HK1: variants seen among roughly 807,000 people sequenced by gnomAD.
HK1 encodes the protein hexokinase-1.
HK1 carries 28 observed loss-of-function variants against 91.6 expected under a neutral mutation model. The observed-to-expected ratio is 0.31, with a 90% CI of 0.23 to 0.42. The LOEUF (loss-of-function observed/expected upper bound fraction) is 0.42, where lower values mean the gene tolerates loss of function less well. Among genes scored for constraint, HK1 ranks in the 10% least tolerant of loss-of-function variants. HK1 has a pLI of 1.00. For missense variants in HK1, 770 were observed against 1,219.8 expected (o/e 0.63, Z 5.49); for synonymous variants, 430 against 468.1 (o/e 0.92, Z 1.05).
At chr10:69,383,196 A>C (rs1209792999) in intron 10 of HK1, among the ~76,000 whole-genome samples, 1 of 152,194 alleles carries the variant, frequency 6.6e-6, no homozygotes, top group Non-Finnish European at 1.5e-5. Context: ...AATAAAAAAG[A>C]AGTGTTCTTA....
At chr10:69,334,174 T>C (rs146691964) in intron 1 of HK1, among the ~76,000 whole-genome samples, 1 of 152,242 alleles carries the variant, frequency 6.6e-6, no homozygotes, top group African/African-American at 2.4e-5. Context: ...CAGAGTTCAT[T>C]GAAACAGAAC....
rs191662289 is a variant in HK1 at position 69,324,485 on chromosome 10, G to A, written c.63+5475G>A. Among the ~76,000 whole-genome samples, 429 of 152,218 alleles carry A rather than the reference G, an allele frequency of 2.8e-3. 2 individuals are homozygous for A. The highest frequency in any genetic ancestry group is 3.0e-3 in the Non-Finnish European group (204 of 68,004). On this transcript the variant is annotated intron_variant, in intron 1 of 17. Transcript: ENST00000359426. ...CTCATGCCTGTAGTCCCAGCTTCTC[G>A]GGAGGCTGAGGCAGAAGAATCACTT... is the stretch of plus-strand genomic sequence containing the variant.
chr10:69,400,373 G>C (rs1840331112), intron 17 of HK1, among the ~76,000 whole-genome samples: 1 of 152,200 alleles, frequency 6.6e-6, no homozygotes, highest in Admixed American at 6.5e-5. Context: ...TTACAAGCAT[G>C]TAGATTCAGC....
chr10:69,318,483 G>C (rs930402760), upstream of HK1, among the ~76,000 whole-genome samples: 18 of 152,332 alleles, frequency 1.2e-4, no homozygotes, highest in South Asian at 4.1e-4. Context: ...GGAGCCGGGC[G>C]GTGCCTCCTG....
At chr10:69,393,853 G>A (rs1840020931) in intron 15 of HK1, among the ~76,000 whole-genome samples, 1 of 152,062 alleles carries the variant, frequency 6.6e-6, no homozygotes, top group African/African-American at 2.4e-5. Flanking sequence ...GACCACCCTG[G>A]GCAACATAGG....
At chr10:69,399,712 C>T (rs982432928) in intron 17 of HK1, among the ~76,000 whole-genome samples, 1 of 152,064 alleles carries the variant, frequency 6.6e-6, no homozygotes, top group African/African-American at 2.4e-5. Flanking sequence ...GATTGTGATC[C>T]ACCGCATGTC....
chr10:69,280,028 T>C (rs1234606611), intron 1 of HK1, among the ~76,000 whole-genome samples: 2 of 152,236 alleles, frequency 1.3e-5, no homozygotes, highest in Admixed American at 6.5e-5. Flanking sequence ...GATGAAAGGA[T>C]TGACCTGCGA....
chr10:69,365,463 C>A (rs917047846), intron 4 of HK1, among the ~76,000 whole-genome samples: 5 of 152,202 alleles, frequency 3.3e-5, no homozygotes, highest in Non-Finnish European at 5.9e-5. Context: ...GATGATAACA[C>A]TGAACTTCAG....
At chr10:69,348,440 G>A (rs1178033298) in intron 2 of HK1, among the ~76,000 whole-genome samples, 1 of 152,228 alleles carries the variant, frequency 6.6e-6, no homozygotes, top group Non-Finnish European at 1.5e-5. Context: ...GAAACCTCCT[G>A]AGTTGAAGGC....
chr10:69,273,849 ACTTTT>A (rs1488681911), intron 1 of HK1, among the ~76,000 whole-genome samples: 4 of 151,908 alleles, frequency 2.6e-5, no homozygotes, highest in Admixed American at 2.0e-4. Context: ...ATTTTTTCTA[ACTTTT>A]CTTTTATTTT....
At chr10:69,382,340 A>ACT in intron 9 of HK1, 147 bp from the exon 10 acceptor site, 1 of 827,686 alleles carries the variant, frequency 1.2e-6, no homozygotes, top group South Asian at 1.5e-5. Context: ...GTGCCATTGC[A>ACT]CTCCAGCCTG....
chr10:69,349,650 T>C (rs6480404), intron 2 of HK1, among the ~76,000 whole-genome samples: 70,658 of 152,002 alleles, frequency 0.46, 17,600 homozygotes, highest in African/African-American at 0.63. Flanking sequence ...GCTAGCCACA[T>C]AAAATGTGGG....
chr10:69,340,157 T>C (rs7072268), intron 1 of HK1, among the ~76,000 whole-genome samples: 81,707 of 152,076 alleles, frequency 0.54, 22,901 homozygotes, highest in African/African-American at 0.67. Context: ...ATGGACAGCT[T>C]GGTAAAAGGA....
upstream of HK1, among the ~76,000 whole-genome samples, chr10:69,313,609 T>C (rs1244774379): frequency 1.3e-5 from 2 of 152,072 alleles, no homozygotes; most frequent in African/African-American, 4.8e-5. Context: ...ATTACAGGCG[T>C]ACACCACCAT....
chr10:69,303,308 AT>A (rs1169267687), intron 5 of HK1, among the ~76,000 whole-genome samples: 1 of 152,056 alleles, frequency 6.6e-6, no homozygotes, highest in East Asian at 1.9e-4. Flanking sequence ...CTTTTTTTTA[AT>A]TAGAATAACA....
rs1304748081 is a variant in HK1 at position 69,293,864 on chromosome 10, T to C, written c.-114-1769T>C. On this transcript the variant is annotated intron_variant, in intron 3 of 21. Coordinates refer to the HK1 transcript ENST00000360289. Reference sequence around the variant, plus strand: ...ACAAGCATATTTCTTTCTTTTTTTTTTTTTTTTTTTTTTTTGAGACAGAGT... The same window carrying C: ...ACAAGCATATTTCTTTCTTTTTTTTCTTTTTTTTTTTTTTTGAGACAGAGT... 9.5e-3 allele frequency among the ~76,000 whole-genome samples: 1,369 copies of C among 144,418 alleles called. 32 individuals are homozygous for C. Among genetic ancestry groups the C allele is most frequent in the African/African-American group, 0.034 (1,316 of 38,808 alleles). The allele number at this position is 144,418 out of a possible 152,430, so 94.7% of individuals were successfully genotyped here. A position where few individuals can be genotyped will look rare whatever the true frequency, so the allele number is the denominator to read the frequency against.
chr10:69,291,609 C>T (rs1362159495), intron 3 of HK1, among the ~76,000 whole-genome samples: 2 of 152,170 alleles, frequency 1.3e-5, no homozygotes, highest in African/African-American at 4.8e-5. Flanking sequence ...TCAGGACTCT[C>T]TCACTCCAGG....
chr10:69,317,198 A>T (rs530991604), upstream of HK1, among the ~76,000 whole-genome samples: 2 of 152,324 alleles, frequency 1.3e-5, no homozygotes, highest in South Asian at 4.1e-4. Flanking sequence ...AGTCAGTTCT[A>T]TGATACCTGC....
At chr10:69,310,854 C>T (rs896367680), upstream of HK1, among the ~76,000 whole-genome samples, 3 of 152,120 alleles carry the variant, frequency 2.0e-5, no homozygotes, top group Non-Finnish European at 2.9e-5. Context: ...GTCAGGAGTT[C>T]GAGACCAGCC....
Sources: gnomAD v4.1 joint callset for allele counts (sites outside exome capture counted in the v4.1 genomes callset) on GRCh38, gnomAD v4.1.1 for gene constraint, MANE v1.5 for transcripts, NCBI Gene and HGNC (gene_info 2026-07-23, HGNC 2026-07-21) for gene names.